HAS3: variants seen among roughly 807,000 people sequenced by gnomAD.
HAS3 encodes the protein HA synthase 3.
A neutral mutation model predicts 50.3 loss-of-function variants in HAS3; 27 were observed. The ratio of observed to expected loss-of-function variants is 0.54; its 90% confidence interval spans 0.40 to 0.74. The LOEUF (loss-of-function observed/expected upper bound fraction) is 0.74, where lower values mean the gene tolerates loss of function less well. Ranked by LOEUF, HAS3 falls within the 30% of genes least tolerant of loss-of-function variation. The pLI is 0.00. For synonymous variants in HAS3, 339 were observed against 310.9 expected (o/e 1.09, Z -0.95); for missense variants, 517 against 742.8 (o/e 0.70, Z 3.53).
In HAS3 at chr16:69,106,101, G is replaced by A. The variant is rs983339466; in HGVS notation, c.-1+314G>A. Among the ~76,000 whole-genome samples, 7 of 151,864 alleles carry A rather than the reference G, an allele frequency of 4.6e-5. No homozygotes were observed. The highest frequency in any genetic ancestry group is 1.7e-4 in the African/African-American group (7 of 41,370). ...CGCTCCCTGGGACCGCGCGGGGTCGGGGGTGCGCCCGCGGGGGCCCTCCCA... is the reference window on the plus strand; with the variant it reads ...CGCTCCCTGGGACCGCGCGGGGTCGAGGGTGCGCCCGCGGGGGCCCTCCCA... On this transcript the variant is annotated intron_variant, in intron 1 of 3. Coordinates refer to ENST00000569188, the MANE Select transcript of HAS3 (RefSeq NM_001199280.2). The surrounding 1 kb of genome is among the most constrained non-coding windows in gnomAD (Gnocchi z 5.5).
chr16:69,086,779 C>T, the HAS3 span, among the ~76,000 whole-genome samples: 3 of 152,122 alleles, frequency 2.0e-5, no homozygotes, highest in African/African-American at 7.2e-5. Flanking sequence ...TGGCGCATGC[C>T]TGTAATCCCA....
At chr16:69,112,892 C>G (rs757838817) in intron 2 of HAS3, among the ~76,000 whole-genome samples, 1 of 152,188 alleles carries the variant, frequency 6.6e-6, no homozygotes, top group Non-Finnish European at 1.5e-5. Flanking sequence ...CCGAGAGGCT[C>G]GGCCAAGGGA....
chr16:69,105,942 C>T (rs930534815), intron 1 of HAS3, among the ~76,000 whole-genome samples, 155 bp downstream of exon 1: 2 of 152,250 alleles, frequency 1.3e-5, no homozygotes, highest in Admixed American at 6.5e-5. Flanking sequence ...GGTCCCAGGG[C>T]GATTGCAGAG....
chr16:69,103,776 C>T (rs999570653), upstream of HAS3, among the ~76,000 whole-genome samples: 1 of 152,156 alleles, frequency 6.6e-6, no homozygotes, highest in Non-Finnish European at 1.5e-5. Context: ...ATGTAGAACC[C>T]GTGGCATGGG....
Position 69,114,516 on chromosome 16 carries a change from T to C in HAS3, c.912T>C (p.His304=). The C allele has an allele frequency of 6.2e-7, 1 of 1,613,960 alleles. No homozygotes were observed. The highest frequency in any genetic ancestry group is 8.5e-7 in the Non-Finnish European group (1 of 1,179,978). ...LLQQFLEDWY[H]QKFLGSKCSF... The stretch of plus-strand genomic sequence containing the variant: ...AGCAGTTCCTGGAGGACTGGTACCA[T>C]CAGAAGTTCCTAGGCAGCAAGTGCA... The change falls in exon 4 of 4, where the codon CAT becomes CAC. Residue 304 remains histidine (H), a synonymous_variant. Transcript: ENST00000569188. This position sits in a 1 kb window ranked among gnomAD's most constrained non-coding sequence, Gnocchi z 6.4.
At chr16:69,104,600 A>G (rs1262020687), upstream of HAS3, among the ~76,000 whole-genome samples, 1 of 152,038 alleles carries the variant, frequency 6.6e-6, no homozygotes, top group African/African-American at 2.4e-5. Flanking sequence ...GGCCCTGGCT[A>G]ATTTTTTAAT....
chr16:69,089,276 T>C, the HAS3 span, among the ~76,000 whole-genome samples: 1 of 152,200 alleles, frequency 6.6e-6, no homozygotes, highest in Non-Finnish European at 1.5e-5. Context: ...AGTCGAGAGA[T>C]GAGTCATCTG....
the HAS3 span, among the ~76,000 whole-genome samples, chr16:69,089,853 C>G: frequency 8.5e-5 from 13 of 152,328 alleles, no homozygotes; most frequent in Middle Eastern, 3.4e-3. Flanking sequence ...AGAGTGCCCT[C>G]TGCGGTTCTT....
upstream of HAS3, among the ~76,000 whole-genome samples, chr16:69,101,005 A>G (rs2152251931): frequency 6.6e-6 from 1 of 152,268 alleles, no homozygotes; most frequent in Admixed American, 6.5e-5. Context: ...GCTTCTCCTC[A>G]GCCTTTTATT....
the HAS3 span, among the ~76,000 whole-genome samples, chr16:69,099,050 A>G: frequency 4.0e-5 from 6 of 151,138 alleles, no homozygotes; most frequent in Non-Finnish European, 8.8e-5. Flanking sequence ...GGCTCACTGC[A>G]AGCTCCGCCT....
upstream of HAS3, among the ~76,000 whole-genome samples, chr16:69,102,695 T>C (rs1054715671): frequency 2.6e-5 from 4 of 152,234 alleles, no homozygotes; most frequent in Non-Finnish European, 5.9e-5. Flanking sequence ...GAGGTTTTCA[T>C]GGACTCGTGA....
the HAS3 span, among the ~76,000 whole-genome samples, chr16:69,092,302 A>G: frequency 1.3e-5 from 2 of 152,216 alleles, no homozygotes; most frequent in East Asian, 1.9e-4. Flanking sequence ...TTCTTAGTAT[A>G]AGTGTGGATA....
In HAS3 at chr16:69,109,183, C is replaced by G. The variant is rs1960908837; in HGVS notation, c.1-213C>G. 6.6e-6 allele frequency among the ~76,000 whole-genome samples: 1 copy of G among 152,230 alleles called. No individual in the cohort carries two copies. Among genetic ancestry groups the G allele is most frequent in the Non-Finnish European group, 1.5e-5 (1 of 68,044 alleles). ...GGTTAGTCCTGCAACCCACATTTTA[C>G]AGATGACGTAAGGGGGCACAGACAT... On this transcript the variant is annotated intron_variant, in intron 1 of 3. Coordinates refer to ENST00000569188, the MANE Select transcript of HAS3 (RefSeq NM_001199280.2). This position sits in a 1 kb window ranked among gnomAD's most constrained non-coding sequence, Gnocchi z 5.3.
the HAS3 span, among the ~76,000 whole-genome samples, chr16:69,088,630 C>A: frequency 6.6e-6 from 1 of 150,644 alleles, no homozygotes; most frequent in Non-Finnish European, 1.5e-5. Flanking sequence ...AAAATAAAGT[C>A]AGGAGGGAGG....
the HAS3 span, among the ~76,000 whole-genome samples, chr16:69,094,230 C>T: frequency 1.1e-4 from 16 of 152,130 alleles, no homozygotes; most frequent in Non-Finnish European, 1.8e-4. Context: ...CAGGAGAGCT[C>T]CTGGGTGGGG....
upstream of HAS3, among the ~76,000 whole-genome samples, chr16:69,103,608 G>A (rs1452074028): frequency 6.6e-6 from 1 of 151,964 alleles, no homozygotes; most frequent in Admixed American, 6.6e-5. Context: ...TGTTGGCCAG[G>A]CTGGTCTCAA....
rs891899923 is a variant in HAS3, at chr16:69,107,221, C to T, written c.-1+1434C>T. 23 of 516,766 alleles carry T rather than the reference C, an allele frequency of 4.5e-5. No individual in the cohort carries two copies. The African/African-American group carries it at 4.5e-4, about 10-fold the overall frequency. 32.0% of individuals were successfully genotyped at this position (516,766 alleles called of 1,614,324 possible). ...CAGCCTGCACCAGCGCCTGATTGCA[C>T]GTGGGGTATCTGGCTGAGGGACATT... is the stretch of plus-strand genomic sequence containing the variant. On this transcript the variant is annotated intron_variant, in intron 1 of 3. Coordinates refer to ENST00000569188, the MANE Select transcript of HAS3 (RefSeq NM_001199280.2). The surrounding 1 kb of genome is among the most constrained non-coding windows in gnomAD (Gnocchi z 5.5).
upstream of HAS3, among the ~76,000 whole-genome samples, chr16:69,103,002 CATGT>C (rs1364636654): frequency 2.5e-3 from 289 of 115,166 alleles, 1 homozygote; most frequent in Middle Eastern, 8.7e-3. Context: ...GTGGAGTGTG[CATGT>C]GTGTGTGTGT....
downstream of HAS3, chr16:69,117,670 T>C: frequency 2.1e-6 from 2 of 966,164 alleles, no homozygotes; most frequent in South Asian, 4.8e-5. Flanking sequence ...ATCTCGAAAC[T>C]ACTACTTTGT....
Sources: allele counts gnomAD v4.1 joint callset (sites outside exome capture counted in the v4.1 genomes callset), GRCh38; gene constraint gnomAD v4.1.1; non-coding constraint Gnocchi (gnomAD v3.1); transcripts MANE v1.5; gene names NCBI Gene and HGNC (gene_info 2026-07-23, HGNC 2026-07-21).